The following MED14 variants were observed in gnomAD, a reference collection of about 807,000 sequenced individuals.
MED14 encodes mediator complex subunit 14, also known as mediator of RNA polymerase II transcription subunit 14.
In MED14, 8 loss-of-function variants were observed where a neutral mutation model predicts 109.0. The observed-to-expected ratio is 0.07, with a 90% CI of 0.04 to 0.13. The LOEUF is 0.13. MED14 is among the 10% of genes least tolerant of loss of function. MED14 has a pLI of 1.00. For synonymous variants in MED14, 399 were observed against 408.7 expected, an observed-to-expected ratio of 0.98 and a Z score of 0.29; for missense variants, 711 against 1,142.4, an observed-to-expected ratio of 0.62 and a Z score of 5.44.
chrX:40,694,124 G>A (rs1226124250), intron 13 of MED14, among the ~76,000 whole-genome samples: 1 of 111,362 alleles, frequency 9.0e-6, no homozygotes, highest in Non-Finnish European at 1.9e-5. Flanking sequence ...GTCTTGAACT[G>A]CTGACCTCGG....
chrX:40,718,409 C>CA lies in MED14; in HGVS notation c.349-3700dup, dbSNP rs769977354. ...ACATGCATCAACCCTACTGGGATGC[C>CA]ACAGTTTATCCAGCCCCTATCACTC... On this transcript the variant is annotated intron_variant, in intron 3 of 30. Coordinates refer to ENST00000324817, the MANE Select transcript of MED14 (RefSeq NM_004229.4). Among the ~76,000 whole-genome samples, 16 of 112,344 alleles carry CA rather than the reference C, an allele frequency of 1.4e-4. No homozygotes were observed. The South Asian group carries it at 3.0e-3, about 21-fold the overall frequency.
At chrX:40,661,091 T>C (rs772252677) in intron 26 of MED14, among the ~76,000 whole-genome samples, 5 of 110,351 alleles carry the variant, frequency 4.5e-5, no homozygotes, top group Non-Finnish European at 7.6e-5. Flanking sequence ...ATTTTTGTTT[T>C]TTGTTTGTTT....
At chrX:40,659,671 A>C in intron 26 of MED14, 64 bp from the exon 27 acceptor site, 1 of 1,071,919 alleles carries the variant, frequency 9.3e-7, no homozygotes, top group Non-Finnish European at 1.3e-6. Context: ...TGTTACTGAG[A>C]ATTGTTCCAA....
chrX:40,731,042 G>T (rs951966369), intron 1 of MED14, among the ~76,000 whole-genome samples: 3 of 108,541 alleles, frequency 2.8e-5, no homozygotes, highest in Non-Finnish European at 5.7e-5. Context: ...TTGGAAGGCT[G>T]AAGTGGGAGA....
intron 15 of MED14, among the ~76,000 whole-genome samples, chrX:40,689,648 G>A (rs912075791): frequency 3.7e-5 from 4 of 108,550 alleles, no homozygotes; most frequent in African/African-American, 1.3e-4. Context: ...CCAAGATTGC[G>A]CCATTGCACT....
intron 3 of MED14, 99 bp downstream of exon 3, chrX:40,726,647 A>C: frequency 1.6e-6 from 1 of 607,926 alleles, no homozygotes; most frequent in East Asian, 3.6e-5. Flanking sequence ...CATGTCACTC[A>C]AATCAGCAGG....
At chrX:40,733,987 A>C (rs928034403) in intron 1 of MED14, among the ~76,000 whole-genome samples, 2 of 112,194 alleles carry the variant, frequency 1.8e-5, no homozygotes, top group Admixed American at 1.9e-4. Flanking sequence ...CCAAGTCCTA[A>C]AATAGTAAAA....
intron 1 of MED14, among the ~76,000 whole-genome samples, chrX:40,733,146 C>T (rs1332626924): frequency 9.3e-6 from 1 of 107,281 alleles, no homozygotes; most frequent in Non-Finnish European, 1.9e-5. Context: ...TCACTGTCAC[C>T]CAGTCTGGAG....
intron 21 of MED14, 113 bp from the exon 22 acceptor site, chrX:40,675,474 C>A: frequency 2.0e-6 from 1 of 512,670 alleles, no homozygotes; most frequent in Non-Finnish European, 2.8e-6. Context: ...CCTTGAAGAT[C>A]GTTACTAGGA....
chrX:40,712,430 ACT>A, intron 6 of MED14, 137 bp from the exon 7 acceptor site: 1 of 409,964 alleles, frequency 2.4e-6, no homozygotes, highest in African/African-American at 2.4e-5. Context: ...TTGACATTGT[ACT>A]CTGAGAAACA....
chrX:40,676,125 A>T (rs1929900554), intron 21 of MED14, among the ~76,000 whole-genome samples: 1 of 111,572 alleles, frequency 9.0e-6, no homozygotes, highest in Non-Finnish European at 1.9e-5. Flanking sequence ...CTCTACAAAA[A>T]ATAGAAAAAT....
intron 12 of MED14, among the ~76,000 whole-genome samples, chrX:40,699,011 C>T (rs757391942): frequency 8.9e-6 from 1 of 112,013 alleles, no homozygotes; most frequent in East Asian, 2.8e-4. Flanking sequence ...GGAAACAACC[C>T]AAATGTTCAT....
intron 23 of MED14, among the ~76,000 whole-genome samples, 194 bp downstream of exon 23, chrX:40,671,667 A>G (rs1447606005): frequency 8.9e-6 from 1 of 111,841 alleles, no homozygotes; most frequent in Non-Finnish European, 1.9e-5. Flanking sequence ...TAAACCTTTT[A>G]AAGTGCTCCC....
rs752886204 is a variant in MED14, at chrX:40,654,971, C to A, written c.4062G>T (p.Thr1354=). ...PSAPPIAPPG[T]PAVVLKSKML... ...TTTTGGATTTCAGCACCACAGCAGG[C>A]GTCCCAGGAGGTGCAATCGGCGGCG... The change falls in exon 29 of 31, where the codon ACG becomes ACT. Residue 1354 remains threonine, a synonymous_variant. Transcript: ENST00000324817. The A allele has an allele frequency of 6.6e-6, 8 of 1,210,691 alleles. No homozygotes were observed.
chrX:40,710,438 G>A (rs1226533510), intron 8 of MED14, among the ~76,000 whole-genome samples: 3 of 111,685 alleles, frequency 2.7e-5, no homozygotes, highest in Non-Finnish European at 5.6e-5. Flanking sequence ...AGAAAATGGG[G>A]GTCATTTGGG....
chrX:40,667,013 A>G (rs1423451806), intron 23 of MED14, among the ~76,000 whole-genome samples, 162 bp from the exon 24 acceptor site: 2 of 112,031 alleles, frequency 1.8e-5, no homozygotes, highest in Non-Finnish European at 3.8e-5. Flanking sequence ...ATTGAAAGAG[A>G]CTATTCAATT....
At chrX:40,659,725 C>A in intron 26 of MED14, 118 bp from the exon 27 acceptor site, 1 of 638,630 alleles carries the variant, frequency 1.6e-6, no homozygotes, top group East Asian at 3.6e-5. Context: ...ACAAAGGCAC[C>A]TACAGCATTG....
At chrX:40,654,125 C>A in intron 30 of MED14, 1 of 381,491 alleles carries the variant, frequency 2.6e-6, no homozygotes, top group Non-Finnish European at 4.5e-6. Flanking sequence ...TGGGTCAGTC[C>A]CAATAGTAAA....
At chrX:40,713,101 C>T (rs1418817033) in intron 5 of MED14, 59 bp from the exon 6 acceptor site, 1 of 1,051,343 alleles carries the variant, frequency 9.5e-7, no homozygotes, top group African/African-American at 1.9e-5. Context: ...TGAGAATCTT[C>T]CTCCTGACCT....
Sources: gnomAD v4.1 joint callset for allele counts (sites outside exome capture counted in the v4.1 genomes callset) on GRCh38, gnomAD v4.1.1 for gene constraint, MANE v1.5 for transcripts, NCBI Gene and HGNC (gene_info 2026-07-23, HGNC 2026-07-21) for gene names.